DMGDH: variants seen among roughly 807,000 people sequenced by gnomAD.
DMGDH encodes dimethylglycine dehydrogenase, also known as dimethylglycine dehydrogenase, mitochondrial.
A neutral mutation model predicts 95.2 loss-of-function variants in DMGDH; 76 were observed. The observed-to-expected ratio is 0.80, with a 90% CI of 0.66 to 0.97. DMGDH has a LOEUF of 0.97. DMGDH is among the 50% of genes least tolerant of loss of function. The pLI, the probability that DMGDH is intolerant of heterozygous loss-of-function variation, is 0.00. For missense variants in DMGDH, 987 were observed against 1,055.0 expected, an observed-to-expected ratio of 0.94 and a Z score of 0.89; for synonymous variants, 345 against 377.6, an observed-to-expected ratio of 0.91 and a Z score of 1.00.
At chr5:79,021,738 A>G in intron 14 of DMGDH, 1 of 1,282,406 alleles carries the variant, frequency 7.8e-7, no homozygotes, top group Non-Finnish European at 1.0e-6. Flanking sequence ...GTGTCTATTA[A>G]TAAAAGGTAG....
chr5:79,034,197 ACCT>A lies in DMGDH; in HGVS notation c.1194-792_1194-790del, dbSNP rs1463747626. Among the ~76,000 whole-genome samples, 34 of 151,944 alleles carry A rather than the reference ACCT, an allele frequency of 2.2e-4. 1 individual carries two copies. Among genetic ancestry groups the A allele is most frequent in the African/African-American group, 8.0e-4 (33 of 41,406 alleles). On this transcript the variant is annotated intron_variant, in intron 7 of 15. Coordinates refer to ENST00000255189, the MANE Select transcript of DMGDH (RefSeq NM_013391.3). ...TCTTCTCAGACTCAAGTTAGTTCTG[ACCT>A]CCTTAGACAATGACCTGTGCGCAAG...
rs752052983 is a variant in DMGDH at position 79,026,427 on chromosome 5, T to C, written c.2187A>G (p.Leu729=). 10 of 1,614,188 alleles carry C rather than the reference T, an allele frequency of 6.2e-6. No individual in the cohort carries two copies. Among genetic ancestry groups the C allele is most frequent in the Non-Finnish European group, 8.5e-6 (10 of 1,180,014 alleles). The part of the protein sequence containing the change: ...RLEKAFRAWG[L]EMNCDTNPLE... ...TAAAGATGCTAGCATTTCAAACCTC[T>C]AACCCCCAGGCTCTGAAGGCTTTCT... The change falls in exon 13 of 16, where the codon TTA becomes TTG. Residue 729 remains leucine (L), a synonymous_variant. Transcript: ENST00000255189.
chr5:79,027,502 T>C (rs907084167), intron 12 of DMGDH, among the ~76,000 whole-genome samples: 1 of 152,118 alleles, frequency 6.6e-6, no homozygotes, highest in African/African-American at 2.4e-5. Flanking sequence ...GAGCAACATA[T>C]AATTGAATGA....
rs141539843 is a variant in DMGDH at position 79,042,306 on chromosome 5, G to A, written c.1170C>T (p.Asn390=). 93 of 1,614,044 alleles carry A rather than the reference G, an allele frequency of 5.8e-5. No individual in the cohort carries two copies. The Middle Eastern group carries it at 6.6e-4, about 11-fold the overall frequency. ...PMVGPHQGVR[N]YWVAIGFGYG... ...ACCCAAAGCCTATAGCCACCCAGTA[G>A]TTTCTGACCCCCTGATGGGGCCCCA... Residue 390 remains asparagine, a synonymous_variant, in exon 7 of 16, where the codon AAC becomes AAT. Transcript: ENST00000255189.
At chr5:79,012,849 T>A (rs1442596341) in intron 14 of DMGDH, among the ~76,000 whole-genome samples, 2 of 152,230 alleles carry the variant, frequency 1.3e-5, no homozygotes, top group Non-Finnish European at 2.9e-5. Flanking sequence ...CAGTGGGGCC[T>A]TGGGCCTGGC....
chr5:79,008,986 C>A (rs976375193), intron 14 of DMGDH, among the ~76,000 whole-genome samples: 2 of 152,074 alleles, frequency 1.3e-5, no homozygotes, highest in African/African-American at 4.8e-5. Context: ...AAACCTGCAC[C>A]TTTAGATTTT....
intron 9 of DMGDH, among the ~76,000 whole-genome samples, chr5:79,031,556 C>G (rs576869606): frequency 6.6e-6 from 1 of 152,168 alleles, no homozygotes; most frequent in African/African-American, 2.4e-5. Flanking sequence ...TGCTGTTGGT[C>G]CACACCTGGG....
At chr5:79,024,038 C>A (rs1206865207) in intron 14 of DMGDH, among the ~76,000 whole-genome samples, 3 of 152,192 alleles carry the variant, frequency 2.0e-5, no homozygotes, top group Non-Finnish European at 4.4e-5. Context: ...TTAGATTTAG[C>A]CCTTAAAGAT....
chr5:79,036,232 A>T (rs1754345160), intron 7 of DMGDH, among the ~76,000 whole-genome samples: 4 of 152,226 alleles, frequency 2.6e-5, no homozygotes, highest in Admixed American at 2.6e-4. Context: ...AGTTGAAAGG[A>T]TTTTAATAAG....
rs372611658 is a variant in DMGDH at position 79,027,183 on chromosome 5, T to G, written c.2033-602A>C. On this transcript the variant is annotated intron_variant, in intron 12 of 15. Coordinates refer to ENST00000255189, the MANE Select transcript of DMGDH (RefSeq NM_013391.3). ...TGCTTATTTTTGTGTTCTTGTTTTG[T>G]TTTTTTGTCTTGTTTTTTTGTTGAG... Among the ~76,000 whole-genome samples, 38 of 152,200 alleles carry G rather than the reference T, an allele frequency of 2.5e-4. 1 individual carries two copies. The East Asian group carries it at 4.1e-3, about 16-fold the overall frequency.
chr5:79,000,442 T>A (rs1470259099), intron 15 of DMGDH: 2 of 621,030 alleles, frequency 3.2e-6, no homozygotes, highest in Non-Finnish European at 6.3e-6. Context: ...CATTTTCACC[T>A]GTTTGGGACA....
intron 2 of DMGDH, 65 bp from the exon 3 acceptor site, chr5:79,055,973 A>G (rs1048393021): frequency 1.6e-5 from 17 of 1,086,220 alleles, no homozygotes; most frequent in African/African-American, 9.3e-5. Flanking sequence ...TTGACAGTTT[A>G]TCTGTTAAGC....
intron 15 of DMGDH, among the ~76,000 whole-genome samples, chr5:79,002,311 G>A (rs1484729701): frequency 1.3e-5 from 2 of 152,128 alleles, no homozygotes; most frequent in Admixed American, 1.3e-4. Context: ...TCCAAGCTAA[G>A]CATCTTTTAA....
At chr5:78,999,121 A>G (rs1448577364) in intron 15 of DMGDH, among the ~76,000 whole-genome samples, 2 of 152,220 alleles carry the variant, frequency 1.3e-5, no homozygotes, top group Non-Finnish European at 2.9e-5. Context: ...CTGGAGCTCA[A>G]GACATTCATG....
rs369753371 is a variant in DMGDH at position 79,040,547 on chromosome 5, A to G, written c.1193+1736T>C. Among the ~76,000 whole-genome samples the G allele has an allele frequency of 1.2e-4, 19 of 152,362 alleles. 1 individual carries two copies. The highest frequency in any genetic ancestry group is 6.5e-4 in the Admixed American group (10 of 15,298). ...GTTTAAATCTTCACGAACTTGGATT[A>G]GACAATGGTTACTTGTATATGACAC... On this transcript the variant is annotated intron_variant, in intron 7 of 15. Coordinates refer to ENST00000255189, the MANE Select transcript of DMGDH (RefSeq NM_013391.3).
At chr5:79,062,920 C>T (rs968505652) in intron 2 of DMGDH, among the ~76,000 whole-genome samples, 5 of 151,904 alleles carry the variant, frequency 3.3e-5, no homozygotes, top group African/African-American at 4.8e-5. Context: ...GGTGAAACCC[C>T]GTCTCTACTA....
At chr5:79,019,036 C>T (rs1753800202) in intron 14 of DMGDH, among the ~76,000 whole-genome samples, 2 of 152,100 alleles carry the variant, frequency 1.3e-5, no homozygotes. Context: ...TAGCTTAATT[C>T]AGATGACACA....
intron 5 of DMGDH, among the ~76,000 whole-genome samples, chr5:79,050,264 AAAAAAAAAAATATATATAT>A (rs1181495892): frequency 3.1e-3 from 170 of 55,654 alleles, no homozygotes; most frequent in African/African-American, 0.011. Context: ...AAAAAAAAAA[AAAAAAAAAAATATATATAT>A]ATATATATAT....
chr5:79,064,849 A>C (rs1755325187), intron 1 of DMGDH, among the ~76,000 whole-genome samples: 1 of 152,130 alleles, frequency 6.6e-6, no homozygotes, highest in African/African-American at 2.4e-5. Flanking sequence ...TACTGGGTTC[A>C]AGCAATTCTC....
Sources: allele counts gnomAD v4.1 joint callset (sites outside exome capture counted in the v4.1 genomes callset), GRCh38; gene constraint gnomAD v4.1.1; transcripts MANE v1.5; gene names NCBI Gene and HGNC (gene_info 2026-07-23, HGNC 2026-07-21).